AGAP1: variants seen among roughly 807,000 people sequenced by gnomAD.
AGAP1 encodes the protein ArfGAP with GTPase domain, ankyrin repeat and PH domain 1, also known as arf-GAP with GTPase, ANK repeat and PH domain-containing protein 1.
A neutral mutation model predicts 105.3 loss-of-function variants in AGAP1; 29 were observed. The observed-to-expected ratio is 0.28, with a 90% confidence interval of 0.21 to 0.38. The LOEUF (loss-of-function observed/expected upper bound fraction) is 0.38. AGAP1 is among the 10% of genes least tolerant of loss of function. AGAP1 has a pLI of 1.00. For synonymous variants in AGAP1, 509 were observed against 485.9 expected (o/e 1.05, Z -0.63); for missense variants, 998 against 1,165.1 (o/e 0.86, Z 2.09).
intron 9 of AGAP1, among the ~76,000 whole-genome samples, chr2:235,849,714 C>T (rs905370921): frequency 1.3e-5 from 2 of 152,158 alleles, no homozygotes; most frequent in African/African-American, 4.8e-5. Flanking sequence ...CTCGCCTGGC[C>T]CTTCTCCCTT....
rs2125514771 is a variant in AGAP1, at chr2:236,001,122, C to T, written c.1645+32499C>T. 6.6e-6 allele frequency among the ~76,000 whole-genome samples: 1 copy of T among 152,242 alleles called. No individual in the cohort carries two copies. Among genetic ancestry groups the T allele is most frequent in the East Asian group, 1.9e-4 (1 of 5,158 alleles). The stretch of plus-strand genomic sequence containing the variant: ...GACCCTCAGAGGCGAGACGGACGTA[C>T]AGGAAACACCACATGGAGACTCTGG... On this transcript the variant is annotated intron_variant, in intron 13 of 17. Coordinates refer to ENST00000304032, the MANE Select transcript of AGAP1 (RefSeq NM_001037131.3). The surrounding 1 kb of genome is among the most constrained non-coding windows in gnomAD (Gnocchi z 4.7).
Position 236,061,112 on chromosome 2 carries a change from A to G in AGAP1, c.2114+11831A>G, listed in dbSNP as rs2058182963. On this transcript the variant is annotated intron_variant, in intron 16 of 17. Transcript: ENST00000304032. The surrounding 1 kb of genome is among the most constrained non-coding windows in gnomAD (Gnocchi z 4.1). ...AAATGGGCTAAGACTCTAAATAGACATTTCTCCAGAAAATATAAAAATGGC... is the reference window on the plus strand; with the variant it reads ...AAATGGGCTAAGACTCTAAATAGACGTTTCTCCAGAAAATATAAAAATGGC... Among the ~76,000 whole-genome samples, 1 of 152,206 alleles carries G rather than the reference A, an allele frequency of 6.6e-6. No homozygotes were observed. The highest frequency in any genetic ancestry group is 6.5e-5 in the Admixed American group (1 of 15,276).
chr2:236,103,600 G>T (rs1372963454), intron 16 of AGAP1, among the ~76,000 whole-genome samples: 1 of 145,406 alleles, frequency 6.9e-6, no homozygotes, highest in Non-Finnish European at 1.5e-5. Flanking sequence ...ACAGAGTCTT[G>T]CTGTGTTGTC....
intron 1 of AGAP1, among the ~76,000 whole-genome samples, chr2:235,643,542 G>A (rs945297354): frequency 6.6e-6 from 1 of 151,482 alleles, no homozygotes; most frequent in East Asian, 1.9e-4. Context: ...CATCATAATG[G>A]CACTGGGGAA....
Position 236,044,143 on chromosome 2 carries a change from C to T in AGAP1, c.1891+3302C>T, listed in dbSNP as rs548518933. On this transcript the variant is annotated intron_variant, in intron 15 of 17. Transcript: ENST00000304032. The surrounding 1 kb of genome is among the most constrained non-coding windows in gnomAD (Gnocchi z 5.7). ...AGTGAATTTGGGAAACTCTTAACAA[C>T]GTCCGACTCCCAGGAAGTTGCAGCC... 9.2e-5 allele frequency among the ~76,000 whole-genome samples: 14 copies of T among 152,272 alleles called. No individual in the cohort carries two copies. The East Asian group carries it at 9.7e-4, about 11-fold the overall frequency.
intron 1 of AGAP1, among the ~76,000 whole-genome samples, chr2:235,708,142 A>G (rs1950647397): frequency 6.6e-6 from 1 of 152,230 alleles, no homozygotes; most frequent in South Asian, 2.1e-4. Flanking sequence ...ACTTTTAGGC[A>G]TCTTATGAAT....
chr2:235,691,992 GT>G lies in AGAP1; in HGVS notation c.164-17185del, dbSNP rs1949755462. ...ACGATAGCACATTCTCTAGTTGCTGGTTATCTAGTTACTAGTGGTAAGACAG... is the reference window on the plus strand; with the variant it reads ...ACGATAGCACATTCTCTAGTTGCTGGTATCTAGTTACTAGTGGTAAGACAG... On this transcript the variant is annotated intron_variant, in intron 1 of 17. Transcript: ENST00000304032. This position sits in a 1 kb window ranked among gnomAD's most constrained non-coding sequence, Gnocchi z 4.4. Among the ~76,000 whole-genome samples the G allele has an allele frequency of 6.6e-6, 1 of 152,170 alleles. No homozygotes were observed. The highest frequency in any genetic ancestry group is 2.4e-5 in the African/African-American group (1 of 41,448).
intron 1 of AGAP1, among the ~76,000 whole-genome samples, chr2:235,528,030 G>A (rs1381647782): frequency 6.6e-6 from 1 of 152,160 alleles, no homozygotes; most frequent in Non-Finnish European, 1.5e-5. Flanking sequence ...ACTATTCTCA[G>A]CAATGCAGTG....
At chr2:235,862,988 C>G (rs1397565925) in intron 9 of AGAP1, among the ~76,000 whole-genome samples, 1 of 152,244 alleles carries the variant, frequency 6.6e-6, no homozygotes, top group Non-Finnish European at 1.5e-5. Context: ...TTGGAGCCCA[C>G]AGACAATGTG....
chr2:235,875,455 C>G lies in AGAP1; in HGVS notation c.1051-7890C>G, dbSNP rs958972542. Among the ~76,000 whole-genome samples the G allele has an allele frequency of 6.6e-6, 1 of 152,206 alleles. No homozygotes were observed. The highest frequency in any genetic ancestry group is 2.4e-5 in the African/African-American group (1 of 41,450). On this transcript the variant is annotated intron_variant, in intron 9 of 17. Coordinates refer to ENST00000304032, the MANE Select transcript of AGAP1 (RefSeq NM_001037131.3). The surrounding 1 kb of genome is among the most constrained non-coding windows in gnomAD (Gnocchi z 4.0). ...GATTGTCAGGGCTGAGAACCCAGCA[C>G]AGGTCTGTGATGCCCACGAGGCTGT...
At chr2:236,069,550 A>G (rs1267200462) in intron 16 of AGAP1, among the ~76,000 whole-genome samples, 1 of 152,144 alleles carries the variant, frequency 6.6e-6, no homozygotes, top group African/African-American at 2.4e-5. Flanking sequence ...CAGCCTCCCA[A>G]ATAGCTGGGA....
intron 1 of AGAP1, among the ~76,000 whole-genome samples, chr2:235,636,143 A>ATAAATAAG: frequency 6.6e-6 from 1 of 151,540 alleles, no homozygotes; most frequent in African/African-American, 2.4e-5. Context: ...AAATAAATAA[A>ATAAATAAG]TAAATAAATA....
chr2:235,638,559 T>G (rs913365913), intron 1 of AGAP1, among the ~76,000 whole-genome samples: 11 of 152,164 alleles, frequency 7.2e-5, no homozygotes, highest in African/African-American at 2.7e-4. Context: ...TAAGCTCAGT[T>G]TTGTATTTAA....
In AGAP1 at chr2:235,874,344, C is replaced by T. The variant is rs564126653; in HGVS notation, c.1051-9001C>T. Among the ~76,000 whole-genome samples, 11 of 152,206 alleles carry T rather than the reference C, an allele frequency of 7.2e-5. No individual in the cohort carries two copies. The highest frequency in any genetic ancestry group is 1.2e-4 in the Non-Finnish European group (8 of 68,036). ...GGTTACAGATGTAAGCCACTGTGCC[C>T]GGCCCAGAACCACATTCTTGAGCTG... On this transcript the variant is annotated intron_variant, in intron 9 of 17. Coordinates refer to ENST00000304032, the MANE Select transcript of AGAP1 (RefSeq NM_001037131.3). This position sits in a 1 kb window ranked among gnomAD's most constrained non-coding sequence, Gnocchi z 4.5.
At chr2:235,516,190 G>A (rs1023492956) in intron 1 of AGAP1, among the ~76,000 whole-genome samples, 2 of 152,002 alleles carry the variant, frequency 1.3e-5, no homozygotes, top group Non-Finnish European at 2.9e-5. Flanking sequence ...CTCTGGGCAC[G>A]TGGCTCCTCT....
rs1237595114 is a variant in AGAP1, at chr2:236,082,294, G to A, written c.2114+33013G>A. Among the ~76,000 whole-genome samples the A allele has an allele frequency of 6.6e-6, 1 of 152,216 alleles. No homozygotes were observed. The highest frequency in any genetic ancestry group is 1.5e-5 in the Non-Finnish European group (1 of 68,034). On this transcript the variant is annotated intron_variant, in intron 16 of 17. Coordinates refer to ENST00000304032, the MANE Select transcript of AGAP1 (RefSeq NM_001037131.3). This position sits in a 1 kb window ranked among gnomAD's most constrained non-coding sequence, Gnocchi z 4.2. Reference sequence around the variant, plus strand: ...TATTTGCACTGCGGTTAATTATGGAGCAATCAAACCTTGGCTTTTCCACTG... The same window carrying A: ...TATTTGCACTGCGGTTAATTATGGAACAATCAAACCTTGGCTTTTCCACTG...
intron 16 of AGAP1, among the ~76,000 whole-genome samples, chr2:236,077,740 G>A (rs978911575): frequency 5.9e-5 from 9 of 152,172 alleles, no homozygotes; most frequent in Non-Finnish European, 1.2e-4. Context: ...AATACCGCTG[G>A]GTTGAGCACA....
Position 235,600,635 on chromosome 2 carries a change from A to C in AGAP1, c.163+105786A>C, listed in dbSNP as rs1945698195. On this transcript the variant is annotated intron_variant, in intron 1 of 17. Transcript: ENST00000304032. The surrounding 1 kb of genome is among the most constrained non-coding windows in gnomAD (Gnocchi z 4.8). The stretch of plus-strand genomic sequence containing the variant: ...CGAAAGCTGAAGAACTTGGAGCCTG[A>C]TGTTCGAGGGCAGGAAGCATCCAGC... Among the ~76,000 whole-genome samples the C allele has an allele frequency of 1.3e-5, 2 of 152,208 alleles. No individual in the cohort carries two copies. The highest frequency in any genetic ancestry group is 2.9e-5 in the Non-Finnish European group (2 of 68,038).
At chr2:235,854,066 C>G (rs892233394) in intron 9 of AGAP1, among the ~76,000 whole-genome samples, 2 of 152,042 alleles carry the variant, frequency 1.3e-5, no homozygotes, top group African/African-American at 4.8e-5. Context: ...ATGGGATGAC[C>G]CCGCCTTATA....
Sources: gnomAD v4.1 joint callset for allele counts (sites outside exome capture counted in the v4.1 genomes callset) on GRCh38, gnomAD v4.1.1 for gene constraint, Gnocchi (gnomAD v3.1) non-coding constraint, MANE v1.5 for transcripts, NCBI Gene and HGNC (gene_info 2026-07-23, HGNC 2026-07-21) for gene names.